Variants in SEL1L2 observed in about 807,000 individuals in gnomAD.
SEL1L2 encodes the protein protein sel-1 homolog 2.
SEL1L2 carries 89 observed loss-of-function variants against 98.8 expected under a neutral mutation model. That is an observed-to-expected ratio of 0.90 (90% CI 0.76 to 1.07). The LOEUF is 1.07. Ranked by LOEUF, SEL1L2 falls within the 50% of genes least tolerant of loss-of-function variation. The pLI is 0.00. For missense variants in SEL1L2, 788 were observed against 812.0 expected, an observed-to-expected ratio of 0.97 and a Z score of 0.36; for synonymous variants, 262 against 278.5, an observed-to-expected ratio of 0.94 and a Z score of 0.59.
chr20:13,985,059 C>CTA (rs2052094341), intron 1 of SEL1L2, among the ~76,000 whole-genome samples: 1 of 152,084 alleles, frequency 6.6e-6, no homozygotes, highest in African/African-American at 2.4e-5. Flanking sequence ...TCCTATTTAG[C>CTA]TATACTGTTG....
In SEL1L2 at chr20:13,885,404, C is replaced by A. The variant is rs746545637; in HGVS notation, c.901-1G>T. On this transcript the variant is annotated splice_acceptor_variant, in intron 9 of 19. Coordinates refer to ENST00000284951, the MANE Select transcript of SEL1L2 (RefSeq NM_025229.2). LOFTEE classifies it high-confidence loss of function. ...TTAGATGTAATTGTCCAAGAGAGACCTAGGAATGATGAGTTTGGAAATGAT... is the reference window on the plus strand; with the variant it reads ...TTAGATGTAATTGTCCAAGAGAGACATAGGAATGATGAGTTTGGAAATGAT... 17 of 1,591,240 alleles carry A rather than the reference C, an allele frequency of 1.1e-5. No individual in the cohort carries two copies. The East Asian group carries it at 3.8e-4, about 36-fold the overall frequency.
At chr20:13,936,605 C>T (rs958914641) in intron 2 of SEL1L2, among the ~76,000 whole-genome samples, 3 of 152,138 alleles carry the variant, frequency 2.0e-5, no homozygotes, top group African/African-American at 7.2e-5. Flanking sequence ...GATTACATCC[C>T]CAACCAATCA....
chr20:13,880,032 A>G (rs1393982582), intron 10 of SEL1L2, among the ~76,000 whole-genome samples: 4 of 152,142 alleles, frequency 2.6e-5, no homozygotes, highest in Admixed American at 2.0e-4. Context: ...GTCTCCTCCA[A>G]TGTTGAATCC....
At position 13,931,784 on chromosome 20, in the gene SEL1L2, A is replaced by G; in HGVS notation, c.115-13T>C. On this transcript the variant is annotated splice_polypyrimidine_tract_variant and intron_variant, in intron 2 of 19. Transcript: ENST00000284951. ...CGTTCACTGATACCTACAAAGAAAA[A>G]GACTGTTGCTCATTTTGTTCATGTG... is the stretch of plus-strand genomic sequence containing the variant. 2 of 1,498,772 alleles carry G rather than the reference A, an allele frequency of 1.3e-6. No homozygotes were observed. The highest frequency in any genetic ancestry group is 1.4e-5 in the South Asian group (1 of 72,670). 92.8% of individuals were successfully genotyped at this position (1,498,772 alleles called of 1,614,324 possible).
chr20:13,957,251 C>A (rs891091113), intron 1 of SEL1L2, among the ~76,000 whole-genome samples: 4 of 152,100 alleles, frequency 2.6e-5, no homozygotes, highest in African/African-American at 9.7e-5. Flanking sequence ...CAGACATGCA[C>A]CACTGCCCCC....
chr20:13,957,791 T>C (rs535497202), intron 1 of SEL1L2, among the ~76,000 whole-genome samples: 1 of 152,138 alleles, frequency 6.6e-6, no homozygotes, highest in African/African-American at 2.4e-5. Context: ...GGTGGGAGGA[T>C]CATTGAGCCC....
chr20:13,974,419 G>A (rs1007539628), intron 1 of SEL1L2, among the ~76,000 whole-genome samples: 5 of 150,368 alleles, frequency 3.3e-5, no homozygotes, highest in Non-Finnish European at 5.9e-5. Flanking sequence ...GTAGGGGTCA[G>A]AACTGCTAGG....
chr20:13,873,178 C>T (rs548575668), intron 12 of SEL1L2, among the ~76,000 whole-genome samples: 2 of 150,960 alleles, frequency 1.3e-5, no homozygotes, highest in South Asian at 2.1e-4. Flanking sequence ...TCTGTAGACA[C>T]GGGATTTCAC....
chr20:13,850,370 A>G, intron 18 of SEL1L2, 51 bp from the exon 19 acceptor site: 2 of 1,591,330 alleles, frequency 1.3e-6, no homozygotes, highest in South Asian at 2.2e-5. Context: ...GGGTAAGTAA[A>G]CAGACACCAT....
chr20:13,887,528 A>G (rs1472460751), intron 8 of SEL1L2, among the ~76,000 whole-genome samples: 2 of 152,232 alleles, frequency 1.3e-5, no homozygotes, highest in Non-Finnish European at 2.9e-5. Flanking sequence ...CAAGTAAAAC[A>G]GAATTGTTTG....
At chr20:13,906,643 A>T (rs2047941483) in intron 5 of SEL1L2, among the ~76,000 whole-genome samples, 1 of 151,978 alleles carries the variant, frequency 6.6e-6, no homozygotes, top group East Asian at 2.0e-4. Flanking sequence ...CAGTTCTAAT[A>T]ACCTATAGTC....
intron 1 of SEL1L2, among the ~76,000 whole-genome samples, chr20:13,964,405 C>T (rs2050934916): frequency 1.5e-5 from 2 of 136,058 alleles, no homozygotes; most frequent in African/African-American, 2.7e-5. Flanking sequence ...TCGTTGAGCA[C>T]ATTGTAAATG....
intron 1 of SEL1L2, among the ~76,000 whole-genome samples, chr20:13,980,745 T>C (rs1201730535): frequency 1.3e-5 from 2 of 152,168 alleles, no homozygotes; most frequent in East Asian, 1.9e-4. Flanking sequence ...TAAGTGTCCA[T>C]CAATGGATGA....
chr20:13,973,251 A>C (rs766484255), intron 1 of SEL1L2: 5 of 152,232 alleles, frequency 3.3e-5, no homozygotes, highest in Non-Finnish European at 7.3e-5. Context: ...TCATGGATTA[A>C]GTAACCTCTC....
In SEL1L2 at chr20:13,918,725, C is replaced by A. The variant is rs560013161; in HGVS notation, c.386+296G>T. Among the ~76,000 whole-genome samples the A allele has an allele frequency of 3.3e-5, 5 of 152,318 alleles. No homozygotes were observed. In the South Asian group the frequency reaches 6.2e-4, roughly 19 times the overall value. ...ATAACACATTTTATTTCACTTGAATCATCTAATAAATTAAAGCCAAAACAA... is the reference window on the plus strand; with the variant it reads ...ATAACACATTTTATTTCACTTGAATAATCTAATAAATTAAAGCCAAAACAA... On this transcript the variant is annotated intron_variant, in intron 4 of 19. Transcript: ENST00000284951.
intron 3 of SEL1L2, among the ~76,000 whole-genome samples, chr20:13,923,359 T>C (rs1016409007): frequency 1.3e-5 from 2 of 152,252 alleles, no homozygotes; most frequent in African/African-American, 4.8e-5. Flanking sequence ...TTTTATTGCA[T>C]TGGGATCAGG....
chr20:13,897,437 G>A (rs1057283826), intron 5 of SEL1L2, among the ~76,000 whole-genome samples: 81 of 152,086 alleles, frequency 5.3e-4, no homozygotes, highest in Non-Finnish European at 1.0e-4. Context: ...AAGTAGGAAA[G>A]GAAACAATTG....
At chr20:13,865,050 C>A in intron 17 of SEL1L2, 117 bp downstream of exon 17, 1 of 729,048 alleles carries the variant, frequency 1.4e-6, no homozygotes, top group Non-Finnish European at 2.4e-6. Context: ...TGAAATGTCA[C>A]CTACTTGATA....
chr20:13,916,721 G>A (rs147386894), intron 4 of SEL1L2, among the ~76,000 whole-genome samples: 4 of 152,092 alleles, frequency 2.6e-5, no homozygotes, highest in African/African-American at 9.7e-5. Flanking sequence ...CAGGAGAATC[G>A]CTTGAACTGG....
Sources: allele counts gnomAD v4.1 joint callset (sites outside exome capture counted in the v4.1 genomes callset), GRCh38; gene constraint gnomAD v4.1.1; transcripts MANE v1.5; gene names NCBI Gene and HGNC (gene_info 2026-07-23, HGNC 2026-07-21).